ZNF682: variants seen among roughly 807,000 people sequenced by gnomAD.
ZNF682 encodes zinc finger protein 682.
A neutral mutation model predicts 36.5 loss-of-function variants in ZNF682; 29 were observed. The observed-to-expected ratio is 0.80, with a 90% CI of 0.59 to 1.08. ZNF682 has a LOEUF of 1.08. Ranked by LOEUF, ZNF682 falls within the 50% of genes least tolerant of loss-of-function variation. The pLI is 0.00. For missense variants in ZNF682, 561 were observed against 579.7 expected (o/e 0.97, Z 0.33); for synonymous variants, 180 against 197.0 (o/e 0.91, Z 0.72).
chr19:20,039,319 G>T, intron 1 of ZNF682, 24 bp downstream of exon 1: 1 of 1,611,918 alleles, frequency 6.2e-7, no homozygotes, highest in Non-Finnish European at 8.5e-7. Context: ...CCCCACCTCG[G>T]GATGCGCGGC....
At chr19:20,001,080 G>A (rs2088165492), downstream of ZNF682, among the ~76,000 whole-genome samples, 2 of 152,136 alleles carry the variant, frequency 1.3e-5, no homozygotes, top group Admixed American at 1.3e-4. Flanking sequence ...ATACAATCTG[G>A]CCTTCATTCG....
At chr19:20,018,078 C>CTTTTTTTTTTTTT (rs71172554) in intron 3 of ZNF682, among the ~76,000 whole-genome samples, 3 of 58,678 alleles carry the variant, frequency 5.1e-5, no homozygotes, top group African/African-American at 7.4e-5. Context: ...TTCTCAAATT[C>CTTTTTTTTTTTTT]TTTTTTTTTT....
Position 20,039,070 on chromosome 19 carries a change from G to A in ZNF682, c.3+273C>T. On this transcript the variant is annotated intron_variant, in intron 1 of 3. Coordinates refer to ENST00000397165, the MANE Select transcript of ZNF682 (RefSeq NM_033196.3). ...GACGCTTCCATTGTCCCCGCAGTCGGGGCAGACGCAAGAACGCGCGCGGCT... is the reference window on the plus strand; with the variant it reads ...GACGCTTCCATTGTCCCCGCAGTCGAGGCAGACGCAAGAACGCGCGCGGCT... 6 of 1,241,962 alleles carry A rather than the reference G, an allele frequency of 4.8e-6. No individual in the cohort carries two copies. The South Asian group carries it at 1.1e-4, about 23-fold the overall frequency. 76.9% of individuals were successfully genotyped at this position (1,241,962 alleles called of 1,614,324 possible). A position where few individuals can be genotyped will look rare whatever the true frequency, so the allele number is the denominator to read the frequency against.
chr19:20,024,612 C>G (rs1007920983), intron 1 of ZNF682, among the ~76,000 whole-genome samples: 1 of 152,120 alleles, frequency 6.6e-6, no homozygotes, highest in Non-Finnish European at 1.5e-5. Context: ...CCGAGGCAGG[C>G]AGATCACCTG....
chr19:20,033,268 G>A (rs1026385706), intron 1 of ZNF682, among the ~76,000 whole-genome samples: 9 of 151,060 alleles, frequency 6.0e-5, no homozygotes, highest in East Asian at 2.0e-4. Flanking sequence ...GGGAGACTCC[G>A]TCTCAAAAAA....
At chr19:20,008,256 G>T (rs964431560) in intron 3 of ZNF682, 1 of 152,308 alleles carries the variant, frequency 6.6e-6, no homozygotes, top group Non-Finnish European at 1.5e-5. Flanking sequence ...ACTGGGAAGG[G>T]TGTGGCCAGA....
downstream of ZNF682, among the ~76,000 whole-genome samples, chr19:20,002,777 G>A (rs1373069502): frequency 6.6e-6 from 1 of 152,104 alleles, no homozygotes; most frequent in Non-Finnish European, 1.5e-5. Context: ...CTGATGTAGA[G>A]ACGTAAGAGT....
In ZNF682 at chr19:20,004,835, A is replaced by AG. The variant is rs2088197182; in HGVS notation, c.*1169_*1170insC. 1 of 47,286 alleles carries AG rather than the reference A, an allele frequency of 2.1e-5. No homozygotes were observed. Among genetic ancestry groups the AG allele is most frequent in the Non-Finnish European group, 4.1e-5 (1 of 24,282 alleles). 2.9% of individuals were successfully genotyped at this position (47,286 alleles called of 1,614,324 possible). ...TAAAAATCTAAAATTCTTTCAATGC[A>AG]AAAAGTGTACTTTGAATATAATTGT... is the stretch of plus-strand genomic sequence containing the variant. On this transcript the variant is annotated 3_prime_UTR_variant, in exon 4 of 4. Transcript: ENST00000397165.
downstream of ZNF682, among the ~76,000 whole-genome samples, chr19:20,000,875 T>C (rs769895925): frequency 6.6e-6 from 1 of 152,126 alleles, no homozygotes; most frequent in Non-Finnish European, 1.5e-5. Context: ...CTCCTCCATC[T>C]CTTTGGAAAA....
At chr19:20,034,547 G>A (rs951861758) in intron 1 of ZNF682, among the ~76,000 whole-genome samples, 2 of 152,130 alleles carry the variant, frequency 1.3e-5, no homozygotes, top group Non-Finnish European at 2.9e-5. Flanking sequence ...AAGAGACCGA[G>A]GCGGACGGAT....
chr19:20,010,010 ACTC>A (rs1304733397), intron 3 of ZNF682, among the ~76,000 whole-genome samples: 4 of 151,800 alleles, frequency 2.6e-5, no homozygotes, highest in Non-Finnish European at 5.9e-5. Context: ...ACAGAGCGAG[ACTC>A]CATCTCAACA....
chr19:19,999,824 G>A (rs1197079086), downstream of ZNF682, among the ~76,000 whole-genome samples: 2 of 151,892 alleles, frequency 1.3e-5, no homozygotes, highest in African/African-American at 4.8e-5. Context: ...TTGAGCCACT[G>A]CACCCAGCCT....
chr19:20,023,001 T>C lies in ZNF682; in HGVS notation c.226+3A>G. The C allele has an allele frequency of 3.1e-6, 5 of 1,612,540 alleles. No homozygotes were observed. The highest frequency in any genetic ancestry group is 4.2e-6 in the Non-Finnish European group (5 of 1,179,020). On this transcript the variant is annotated splice_donor_region_variant and intron_variant, in intron 3 of 3. Transcript: ENST00000397165. ...TGGCATGTGTTTCATTCATCCAACC[T>C]ACCTGGGGGTTTGGCTATGGTCTCA...
At chr19:20,031,716 G>A (rs988477143) in intron 1 of ZNF682, among the ~76,000 whole-genome samples, 2 of 152,152 alleles carry the variant, frequency 1.3e-5, no homozygotes, top group Non-Finnish European at 2.9e-5. Context: ...GCCGAGGTGG[G>A]CGGATCACGA....
chr19:20,038,642 A>G (rs962440579), intron 1 of ZNF682, among the ~76,000 whole-genome samples: 4 of 151,836 alleles, frequency 2.6e-5, no homozygotes, highest in African/African-American at 9.7e-5. Flanking sequence ...AGGCAAATAC[A>G]TTTCTTGTAA....
At chr19:20,036,803 TAAAAAAAAAAGAAAAAAAA>T (rs1309333970) in intron 1 of ZNF682, among the ~76,000 whole-genome samples, 3 of 29,558 alleles carry the variant, frequency 1.0e-4, no homozygotes, top group Admixed American at 4.6e-4. Flanking sequence ...GCTGTCTCTA[TAAAAAAAAAAGAAAAAAAA>T]AAAAAAAAAA....
In ZNF682 at chr19:20,010,977, AT is replaced by A. The variant is rs544960969; in HGVS notation, c.227-3703del. Among the ~76,000 whole-genome samples the A allele has an allele frequency of 2.3e-3, 343 of 152,086 alleles. 2 individuals carry two copies. The highest frequency in any genetic ancestry group is 8.0e-3 in the African/African-American group (333 of 41,500). The stretch of plus-strand genomic sequence containing the variant: ...AGACTGTCTCAAAAAAGAAAAAAAA[AT>A]TTTTTTAATTAAAAAAAAAGACACA... On this transcript the variant is annotated intron_variant, in intron 3 of 3. Coordinates refer to ENST00000397165, the MANE Select transcript of ZNF682 (RefSeq NM_033196.3).
chr19:20,021,193 A>C (rs1184814915), intron 3 of ZNF682, among the ~76,000 whole-genome samples: 2 of 152,256 alleles, frequency 1.3e-5, no homozygotes, highest in Admixed American at 1.3e-4. Flanking sequence ...CCTGGACTGC[A>C]TGCAGCCAGC....
At position 20,005,935 on chromosome 19, in the gene ZNF682, T is replaced by C. The variant is rs2122297071; in HGVS notation, c.*70A>G. The C allele has an allele frequency of 2.2e-6, 3 of 1,393,342 alleles. No individual in the cohort carries two copies. The highest frequency in any genetic ancestry group is 2.9e-6 in the Non-Finnish European group (3 of 1,023,320). 86.3% of individuals were successfully genotyped at this position (1,393,342 alleles called of 1,614,324 possible). On this transcript the variant is annotated 3_prime_UTR_variant, in exon 4 of 4. Coordinates refer to ENST00000397165, the MANE Select transcript of ZNF682 (RefSeq NM_033196.3). Reference sequence around the variant, plus strand: ...AGTATGAATTATCTTGTGATTTCAATGCCTTGAGCAAGATTTATGGAATTT... The same window carrying C: ...AGTATGAATTATCTTGTGATTTCAACGCCTTGAGCAAGATTTATGGAATTT...
Sources: gnomAD v4.1 joint callset for allele counts (sites outside exome capture counted in the v4.1 genomes callset) on GRCh38, gnomAD v4.1.1 for gene constraint, MANE v1.5 for transcripts, NCBI Gene and HGNC (gene_info 2026-07-23, HGNC 2026-07-21) for gene names.